GNAO1: variants seen among roughly 807,000 people sequenced by gnomAD.
GNAO1 encodes G protein subunit alpha o1.
For synonymous variants in GNAO1, 164 were observed against 180.7 expected (o/e 0.91, Z 0.74); for missense variants, 166 against 478.7 (o/e 0.35, Z 6.10).
chr16:56,325,228 A>G (rs973029780), intron 3 of GNAO1, among the ~76,000 whole-genome samples: 4 of 152,208 alleles, frequency 2.6e-5, no homozygotes, highest in African/African-American at 9.7e-5. Context: ...TGTAATCCCA[A>G]CACTTTGGGA....
chr16:56,334,620 A>G, intron 4 of GNAO1, 109 bp from the exon 5 acceptor site: 1 of 1,162,648 alleles, frequency 8.6e-7, no homozygotes, highest in Non-Finnish European at 1.2e-6. Context: ...TTCCACAGTG[A>G]CCTGGAGGGG....
intron 2 of GNAO1, chr16:56,194,203 G>T (rs1383691456): frequency 2.2e-6 from 1 of 456,550 alleles, no homozygotes; most frequent in East Asian, 7.0e-5. Flanking sequence ...TTGGCTCGCC[G>T]CACCCTTCTG....
In GNAO1 at chr16:56,326,666, G is replaced by A. The variant is rs1218514165; in HGVS notation, c.304-1965G>A. On this transcript the variant is annotated intron_variant, in intron 3 of 8. Transcript: ENST00000262493. The surrounding 1 kb of genome is among the most constrained non-coding windows in gnomAD (Gnocchi z 4.8). ...AGAATTGCCTCCCTGGGAGGGCAAG[G>A]AAGCCGGGTTATTTGCCCATTCCTG... 6.6e-6 allele frequency among the ~76,000 whole-genome samples: 1 copy of A among 152,228 alleles called. No individual in the cohort carries two copies. The highest frequency in any genetic ancestry group is 2.4e-5 in the African/African-American group (1 of 41,462).
chr16:56,290,923 T>C (rs1003480197), intron 3 of GNAO1, among the ~76,000 whole-genome samples: 2 of 152,274 alleles, frequency 1.3e-5, no homozygotes, highest in African/African-American at 2.4e-5. Context: ...TCTTGCTTCT[T>C]TCACTTGGCA....
At chr16:56,272,500 C>G (rs1268631691) in intron 2 of GNAO1, among the ~76,000 whole-genome samples, 3 of 152,160 alleles carry the variant, frequency 2.0e-5, no homozygotes, top group African/African-American at 7.2e-5. Flanking sequence ...CCCCAAATTG[C>G]AACATTTCTG....
intron 2 of GNAO1, among the ~76,000 whole-genome samples, chr16:56,261,232 G>T (rs1199235455): frequency 1.3e-5 from 2 of 152,218 alleles, no homozygotes; most frequent in African/African-American, 4.8e-5. Flanking sequence ...CCCCATTTGG[G>T]GTGATCTGTA....
intron 3 of GNAO1, among the ~76,000 whole-genome samples, chr16:56,309,778 A>T (rs2037436121): frequency 6.8e-6 from 1 of 146,546 alleles, no homozygotes; most frequent in African/African-American, 2.4e-5. Context: ...ATAGCTGAGG[A>T]ATGTGCAGCA....
At chr16:56,347,953 C>T in intron 6 of GNAO1, 1 of 965,874 alleles carries the variant, frequency 1.0e-6, no homozygotes, top group East Asian at 1.2e-4. Flanking sequence ...CCTCCCCACG[C>T]ACCCCCCTCC....
chr16:56,251,891 C>T (rs2036803077), intron 2 of GNAO1, among the ~76,000 whole-genome samples: 1 of 152,154 alleles, frequency 6.6e-6, no homozygotes, highest in Non-Finnish European at 1.5e-5. Context: ...CTGTAAAGCA[C>T]CCCTGTTAGA....
At chr16:56,293,103 C>G (rs759443287) in intron 3 of GNAO1, among the ~76,000 whole-genome samples, 8 of 152,134 alleles carry the variant, frequency 5.3e-5, no homozygotes, top group Non-Finnish European at 1.2e-4. Context: ...TTTTTGGGGC[C>G]GGGCCAGAAC....
chr16:56,219,769 C>A (rs192326204), intron 2 of GNAO1, among the ~76,000 whole-genome samples: 60 of 152,236 alleles, frequency 3.9e-4, no homozygotes, highest in African/African-American at 1.4e-3. Context: ...CGGGAAGAAG[C>A]CTGAAACCCC....
At chr16:56,252,885 A>G (rs1295978399) in intron 2 of GNAO1, among the ~76,000 whole-genome samples, 1 of 152,036 alleles carries the variant, frequency 6.6e-6, no homozygotes, top group African/African-American at 2.4e-5. Flanking sequence ...ACCAACCCCA[A>G]CAGCTCACAG....
intron 6 of GNAO1, chr16:56,347,470 C>A: frequency 1.0e-6 from 1 of 985,566 alleles, no homozygotes; most frequent in Non-Finnish European, 1.2e-6. Context: ...AGAGTCCTGA[C>A]CCCTGACCCC....
At position 56,354,339 on chromosome 16, in the gene GNAO1, G is replaced by C. The variant is rs1377756500; in HGVS notation, c.878-527G>C. Among the ~76,000 whole-genome samples the C allele has an allele frequency of 6.9e-6, 1 of 144,442 alleles. No homozygotes were observed. The highest frequency in any genetic ancestry group is 2.7e-5 in the African/African-American group (1 of 36,628). 94.8% of individuals were successfully genotyped at this position (144,442 alleles called of 152,430 possible). ...CAGGCAAATGCTCAGCCTGTGTATG[G>C]TTGGTGCAAAAGTAATTGCAGTAAT... On this transcript the variant is annotated intron_variant, in intron 7 of 8. Transcript: ENST00000262493. The surrounding 1 kb of genome is among the most constrained non-coding windows in gnomAD (Gnocchi z 4.3).
chr16:56,297,520 CTGGTGT>C (rs2143574666), intron 3 of GNAO1, among the ~76,000 whole-genome samples: 1 of 113,862 alleles, frequency 8.8e-6, no homozygotes. Context: ...TTTTGTCTAA[CTGGTGT>C]GTGTGTGTGT....
chr16:56,344,109 C>T lies in GNAO1; in HGVS notation c.723+7249C>T, dbSNP rs1485155500. The T allele has an allele frequency of 8.3e-6, 12 of 1,453,342 alleles. No homozygotes were observed. In the East Asian group the frequency reaches 2.7e-4, roughly 33 times the overall value. The allele number at this position is 1,453,342 out of a possible 1,614,324, so 90.0% of individuals were successfully genotyped here. Reference sequence around the variant, plus strand: ...GAGGAGGGAGCATCCTCCACCCGCACCCCCCAACAGAACTTGTGGTAACGC... The same window carrying T: ...GAGGAGGGAGCATCCTCCACCCGCATCCCCCAACAGAACTTGTGGTAACGC... On this transcript the variant is annotated intron_variant, in intron 6 of 8. Coordinates refer to ENST00000262493, the MANE Select transcript of GNAO1 (RefSeq NM_020988.3).
chr16:56,204,426 C>T (rs2143310004), intron 2 of GNAO1, among the ~76,000 whole-genome samples: 1 of 152,070 alleles, frequency 6.6e-6, no homozygotes, highest in Middle Eastern at 3.4e-3. Context: ...ATACATATGG[C>T]CAGGAGAGGG....
intron 2 of GNAO1, among the ~76,000 whole-genome samples, chr16:56,254,762 T>C (rs1241678221): frequency 6.6e-6 from 1 of 152,206 alleles, no homozygotes; most frequent in Non-Finnish European, 1.5e-5. Context: ...GCTGGTTTAA[T>C]GTAGTTGCTT....
intron 4 of GNAO1, among the ~76,000 whole-genome samples, chr16:56,333,475 G>A (rs920004274): frequency 6.6e-6 from 1 of 152,202 alleles, no homozygotes; most frequent in African/African-American, 2.4e-5. Context: ...CTCCCAAAGT[G>A]CTGGGATTAC....
Sources: allele counts gnomAD v4.1 joint callset (sites outside exome capture counted in the v4.1 genomes callset), GRCh38; gene constraint gnomAD v4.1.1; non-coding constraint Gnocchi (gnomAD v3.1); transcripts MANE v1.5; gene names NCBI Gene and HGNC (gene_info 2026-07-23, HGNC 2026-07-21).